Variants in USP6NL observed in about 807,000 individuals in gnomAD.
The protein encoded by USP6NL is USP6 N-terminal like.
Under a neutral mutation model 61.9 loss-of-function variants are expected in USP6NL, and 26 were observed. The observed-to-expected ratio is 0.42, with a 90% confidence interval of 0.31 to 0.58. The LOEUF is 0.58. USP6NL is among the 20% of genes least tolerant of loss of function. The probability of loss-of-function intolerance (pLI) is 0.16; values close to 1 mark genes in which losing one functional copy is unlikely to be tolerated. For synonymous variants in USP6NL, 432 were observed against 390.1 expected, an observed-to-expected ratio of 1.11 and a Z score of -1.27; for missense variants, 1,114 against 1,034.3, an observed-to-expected ratio of 1.08 and a Z score of -1.06.
chr10:11,563,784 G>A (rs1423936533), intron 2 of USP6NL: 2 of 152,090 alleles, frequency 1.3e-5, no homozygotes, highest in Non-Finnish European at 1.5e-5. Context: ...GGCTTCCCAT[G>A]ATAATCAGAA....
chr10:11,509,490 A>G, intron 6 of USP6NL, 105 bp downstream of exon 6: 2 of 1,151,930 alleles, frequency 1.7e-6, no homozygotes, highest in Non-Finnish European at 2.4e-6. Context: ...AAATTTCAAA[A>G]CCAAATATGA....
Position 11,553,818 on chromosome 10 carries a change from C to A in USP6NL, c.5-26251G>T, listed in dbSNP as rs983184938. On this transcript the variant is annotated intron_variant, in intron 2 of 14. Coordinates refer to ENST00000609104, the MANE Select transcript of USP6NL (RefSeq NM_014688.5). The surrounding 1 kb of genome is among the most constrained non-coding windows in gnomAD (Gnocchi z 4.8). ...GGCTCAGGCAAGAGAACTGCTTGAA[C>A]CCGGGAGGCAGAGGATGCAGTGAGC... Among the ~76,000 whole-genome samples the A allele has an allele frequency of 4.0e-5, 6 of 151,770 alleles. No homozygotes were observed. Among genetic ancestry groups the A allele is most frequent in the Admixed American group, 1.3e-4 (2 of 15,240 alleles).
chr10:11,562,261 C>CAAA lies in USP6NL; in HGVS notation c.5-34697_5-34695dup, dbSNP rs34380932. ...TGGCGGACAGTGCAAGACTCCATCT[C>CAAA]AAAAAAAAAAAAAAAAAATTGCATT... On this transcript the variant is annotated intron_variant, in intron 2 of 14. Transcript: ENST00000609104. This position sits in a 1 kb window ranked among gnomAD's most constrained non-coding sequence, Gnocchi z 4.8. The CAAA allele has an allele frequency of 3.6e-3, 1,197 of 329,026 alleles. No individual in the cohort carries two copies. The highest frequency in any genetic ancestry group is 4.4e-3 in the Non-Finnish European group (1,122 of 253,124). 20.4% of individuals were successfully genotyped at this position (329,026 alleles called of 1,614,324 possible).
intron 13 of USP6NL, among the ~76,000 whole-genome samples, chr10:11,483,787 T>C (rs887653317): frequency 1.3e-4 from 19 of 151,918 alleles, no homozygotes; most frequent in South Asian, 2.1e-4. Context: ...GGAAGACACA[T>C]AGTCAATTGT....
At position 11,497,430 on chromosome 10, in the gene USP6NL, A is replaced by C. The variant is rs544799531; in HGVS notation, c.384+3671T>G. ...CAGTCTCAAAAAAAAAAAAAAAAGA[A>C]AGAAAAAACAAAAAAGATAATGGGC... is the stretch of plus-strand genomic sequence containing the variant. On this transcript the variant is annotated intron_variant, in intron 7 of 14. Coordinates refer to ENST00000609104, the MANE Select transcript of USP6NL (RefSeq NM_014688.5). 1.1e-4 allele frequency among the ~76,000 whole-genome samples: 17 copies of C among 151,246 alleles called. No homozygotes were observed. In the South Asian group the frequency reaches 3.5e-3, roughly 32 times the overall value.
rs892478836 is a variant in USP6NL at position 11,474,666 on chromosome 10, C to T, written c.1078+7104G>A. Among the ~76,000 whole-genome samples the T allele has an allele frequency of 6.6e-5, 10 of 151,908 alleles. No homozygotes were observed. Among genetic ancestry groups the T allele is most frequent in the Admixed American group, 5.2e-4 (8 of 15,268 alleles). On this transcript the variant is annotated intron_variant, in intron 14 of 14. Coordinates refer to ENST00000609104, the MANE Select transcript of USP6NL (RefSeq NM_014688.5). The surrounding 1 kb of genome is among the most constrained non-coding windows in gnomAD (Gnocchi z 4.9). Reference sequence around the variant, plus strand: ...ACTAATTTTTAAAATCTAAATAATCCTGTGCATAGAAAATTTGTCCTTGAA... The same window carrying T: ...ACTAATTTTTAAAATCTAAATAATCTTGTGCATAGAAAATTTGTCCTTGAA...
intron 1 of USP6NL, among the ~76,000 whole-genome samples, chr10:11,608,600 C>A (rs925529008): frequency 6.6e-6 from 1 of 152,288 alleles, no homozygotes; most frequent in Admixed American, 6.5e-5. Context: ...GGGGACTTGC[C>A]CTGACTCCCT....
chr10:11,541,273 A>ATG lies in USP6NL; in HGVS notation c.5-13707_5-13706insCA, dbSNP rs1555169598. On this transcript the variant is annotated intron_variant, in intron 2 of 14. Transcript: ENST00000609104. Reference sequence around the variant, plus strand: ...TATATATATATATATATATATATATATATGTATGTCACTCTTCAGGAGACC... The same window carrying ATG: ...TATATATATATATATATATATATATATGTATGTATGTCACTCTTCAGGAGACC... Among the ~76,000 whole-genome samples, 557 of 113,106 alleles carry ATG rather than the reference A, an allele frequency of 4.9e-3. 1 individual carries two copies. Among genetic ancestry groups the ATG allele is most frequent in the African/African-American group, 0.012 (331 of 27,112 alleles). 74.2% of individuals were successfully genotyped at this position (113,106 alleles called of 152,430 possible). A position where few individuals can be genotyped will look rare whatever the true frequency, so the allele number is the denominator to read the frequency against.
chr10:11,578,065 T>TG (rs1168689654), intron 2 of USP6NL, among the ~76,000 whole-genome samples: 1 of 152,136 alleles, frequency 6.6e-6, no homozygotes, highest in Non-Finnish European at 1.5e-5. Context: ...GCTCAAGTGA[T>TG]CCTCCCACCT....
rs547555978 is a variant in USP6NL at position 11,592,265 on chromosome 10, C to T, written c.4+5366G>A. 6.6e-6 allele frequency among the ~76,000 whole-genome samples: 1 copy of T among 152,224 alleles called. No individual in the cohort carries two copies. The highest frequency in any genetic ancestry group is 1.5e-5 in the Non-Finnish European group (1 of 68,002). ...CCACTTTAAATAGTGTTAATAACAA[C>T]GAAGTACACTAAACTAAGAAAGTAA... On this transcript the variant is annotated intron_variant, in intron 2 of 14. Transcript: ENST00000609104. This position sits in a 1 kb window ranked among gnomAD's most constrained non-coding sequence, Gnocchi z 4.7.
intron 2 of USP6NL, among the ~76,000 whole-genome samples, chr10:11,541,934 C>T (rs140631605): frequency 5.4e-4 from 82 of 152,220 alleles, no homozygotes; most frequent in Middle Eastern, 3.4e-3. Context: ...TAACATAGTA[C>T]GGTGACTAGA....
At position 11,487,410 on chromosome 10, in the gene USP6NL, T is replaced by C. The variant is rs2133248755; in HGVS notation, c.665-1499A>G. ...TTCTAAGTAGTTAGGATAGTAGAATTAATATTGTTTTATAGATTAGTCTAG... is the reference window on the plus strand; with the variant it reads ...TTCTAAGTAGTTAGGATAGTAGAATCAATATTGTTTTATAGATTAGTCTAG... On this transcript the variant is annotated intron_variant, in intron 10 of 14. Coordinates refer to ENST00000609104, the MANE Select transcript of USP6NL (RefSeq NM_014688.5). The surrounding 1 kb of genome is among the most constrained non-coding windows in gnomAD (Gnocchi z 4.2). 6.6e-6 allele frequency among the ~76,000 whole-genome samples: 1 copy of C among 152,338 alleles called. No homozygotes were observed. The highest frequency in any genetic ancestry group is 1.5e-5 in the Non-Finnish European group (1 of 68,006).
rs987313642 is a variant in USP6NL at position 11,461,100 on chromosome 10, A to G, written c.*1341T>C. On this transcript the variant is annotated 3_prime_UTR_variant, in exon 15 of 15. Transcript: ENST00000609104. Reference sequence around the variant, plus strand: ...AAGAAACATCAATGTCGGGTTTTCTACTATTCAAATATAAGCAATGTTGAA... The same window carrying G: ...AAGAAACATCAATGTCGGGTTTTCTGCTATTCAAATATAAGCAATGTTGAA... 6.6e-6 allele frequency: 1 copy of G among 152,498 alleles called. No homozygotes were observed. 9.4% of individuals were successfully genotyped at this position (152,498 alleles called of 1,614,324 possible).
rs959322411 is a variant in USP6NL at position 11,462,345 on chromosome 10, T to C, written c.*96A>G. ...ACAGACAGGAGAGATGTGCGAGTTG[T>C]TTACAATAGTATAAATACTGCTTTG... On this transcript the variant is annotated 3_prime_UTR_variant, in exon 15 of 15. Transcript: ENST00000609104. The C allele has an allele frequency of 5.1e-6, 7 of 1,380,586 alleles. No individual in the cohort carries two copies. In the South Asian group the frequency reaches 1.0e-4, roughly 20 times the overall value. The allele number at this position is 1,380,586 out of a possible 1,614,324, so 85.5% of individuals were successfully genotyped here. A position where few individuals can be genotyped will look rare whatever the true frequency, so the allele number is the denominator to read the frequency against.
At chr10:11,583,844 G>A (rs983940163) in intron 2 of USP6NL, among the ~76,000 whole-genome samples, 4 of 152,068 alleles carry the variant, frequency 2.6e-5, no homozygotes, top group African/African-American at 7.2e-5. Flanking sequence ...CCTGGCCAAC[G>A]TGGCAAAACC....
Position 11,553,490 on chromosome 10 carries a change from A to G in USP6NL, c.5-25923T>C, listed in dbSNP as rs1452184132. 2.0e-5 allele frequency among the ~76,000 whole-genome samples: 3 copies of G among 152,222 alleles called. No homozygotes were observed. The highest frequency in any genetic ancestry group is 4.4e-5 in the Non-Finnish European group (3 of 68,044). On this transcript the variant is annotated intron_variant, in intron 2 of 14. Transcript: ENST00000609104. The surrounding 1 kb of genome is among the most constrained non-coding windows in gnomAD (Gnocchi z 4.8). ...CTGTTATGTATGCCAAAACTAAATAAAAGGCTGAAAATCAATGTTCCTTAA... is the reference window on the plus strand; with the variant it reads ...CTGTTATGTATGCCAAAACTAAATAGAAGGCTGAAAATCAATGTTCCTTAA...
chr10:11,569,615 C>T (rs576832957), intron 2 of USP6NL, among the ~76,000 whole-genome samples: 5 of 152,152 alleles, frequency 3.3e-5, no homozygotes, highest in Middle Eastern at 3.4e-3. Context: ...GAAGGCTGAT[C>T]GATAAGGAAT....
In USP6NL at chr10:11,532,211, TAAC is replaced by T; in HGVS notation, c.5-4647_5-4645del. 1 of 1,604,732 alleles carries T rather than the reference TAAC, an allele frequency of 6.2e-7. No homozygotes were observed. Among genetic ancestry groups the T allele is most frequent in the African/African-American group, 1.3e-5 (1 of 74,836 alleles). ...AGATAATCAGTCTGGCCTTGGGAAT[TAAC>T]AACAGCTTCAGTCCTCATAGAGTAA... On this transcript the variant is annotated intron_variant, in intron 2 of 14. Coordinates refer to ENST00000609104, the MANE Select transcript of USP6NL (RefSeq NM_014688.5). The surrounding 1 kb of genome is among the most constrained non-coding windows in gnomAD (Gnocchi z 4.1).
In USP6NL at chr10:11,562,299, C is replaced by T. The variant is rs149833993; in HGVS notation, c.5-34732G>A. On this transcript the variant is annotated intron_variant, in intron 2 of 14. Transcript: ENST00000609104. The surrounding 1 kb of genome is among the most constrained non-coding windows in gnomAD (Gnocchi z 4.8). ...AAAAAATTGCATTCCCAGGACCCCC[C>T]TGCAGCTAGCAGCAGCCATGTGACA... 1.6e-4 allele frequency: 136 copies of T among 843,994 alleles called. 1 individual carries two copies. The East Asian group carries it at 0.013, about 82-fold the overall frequency. 52.3% of individuals were successfully genotyped at this position (843,994 alleles called of 1,614,324 possible).
Sources: gnomAD v4.1 joint callset for allele counts (sites outside exome capture counted in the v4.1 genomes callset) on GRCh38, gnomAD v4.1.1 for gene constraint, Gnocchi (gnomAD v3.1) non-coding constraint, MANE v1.5 for transcripts, NCBI Gene and HGNC (gene_info 2026-07-23, HGNC 2026-07-21) for gene names.